CDH18: variants seen among roughly 807,000 people sequenced by gnomAD.
CDH18 encodes cadherin 18.
A neutral mutation model predicts 67.9 loss-of-function variants in CDH18; 31 were observed. That is an observed-to-expected ratio of 0.46 (90% CI 0.34 to 0.62). The LOEUF (loss-of-function observed/expected upper bound fraction) is 0.62. Ranked by LOEUF, CDH18 falls within the 20% of genes least tolerant of loss-of-function variation. The pLI is 0.01. For synonymous variants in CDH18, 362 were observed against 347.2 expected, an observed-to-expected ratio of 1.04 and a Z score of -0.48; for missense variants, 890 against 975.5, an observed-to-expected ratio of 0.91 and a Z score of 1.17.
At chr5:19,843,581 G>C (rs1782589218) in intron 2 of CDH18, among the ~76,000 whole-genome samples, 1 of 152,370 alleles carries the variant, frequency 6.6e-6, no homozygotes, top group East Asian at 1.9e-4. Flanking sequence ...CCCCGACATA[G>C]AGTTCCCACT....
At chr5:19,570,239 C>A (rs62349542) in intron 8 of CDH18, among the ~76,000 whole-genome samples, 11,236 of 152,056 alleles carry the variant, frequency 0.074, 454 homozygotes, top group African/African-American at 0.089. Flanking sequence ...AACATGTTAA[C>A]TTTGATTTCT....
At chr5:19,668,245 TGTGA>T (rs751902842) in intron 5 of CDH18, among the ~76,000 whole-genome samples, 1 of 152,080 alleles carries the variant, frequency 6.6e-6, no homozygotes, top group Non-Finnish European at 1.5e-5. Flanking sequence ...TCTGTGAGTC[TGTGA>T]GTGTTTGGTA....
chr5:20,203,824 A>G (rs959400119), intron 2 of CDH18, among the ~76,000 whole-genome samples: 1 of 152,080 alleles, frequency 6.6e-6, no homozygotes, highest in Non-Finnish European at 1.5e-5. Flanking sequence ...GTTCTGACCA[A>G]TAATTTAAAA....
chr5:19,608,010 GA>G, intron 6 of CDH18, among the ~76,000 whole-genome samples: 1 of 150,656 alleles, frequency 6.6e-6, no homozygotes, highest in East Asian at 1.9e-4. Context: ...CTGCATCTAA[GA>G]AAAATTAAAC....
intron 3 of CDH18, among the ~76,000 whole-genome samples, chr5:19,755,972 T>TTTGA (rs1337138002): frequency 4.6e-5 from 7 of 152,182 alleles, no homozygotes; most frequent in African/African-American, 7.2e-5. Flanking sequence ...GGGTCAATAC[T>TTTGA]TTGTATCCTT....
At position 20,162,093 on chromosome 5, in the gene CDH18, A is replaced by G. The variant is rs79088993; in HGVS notation, c.-518+93351T>C. Among the ~76,000 whole-genome samples, 100 of 152,258 alleles carry G rather than the reference A, an allele frequency of 6.6e-4. 1 individual carries two copies. The East Asian group carries it at 0.017, about 26-fold the overall frequency. On this transcript the variant is annotated intron_variant, in intron 2 of 14. Coordinates refer to the CDH18 transcript ENST00000507958. ...CTTAACTGTACTTAGAAGTTCCACT[A>G]TAAGATTTCACACTCTGAGACAGTC...
intron 4 of CDH18, among the ~76,000 whole-genome samples, chr5:19,739,164 G>A (rs1768765045): frequency 1.3e-5 from 2 of 152,264 alleles, no homozygotes; most frequent in African/African-American, 4.8e-5. Flanking sequence ...CGTAATTGTA[G>A]GTGGAAAAGG....
intron 2 of CDH18, among the ~76,000 whole-genome samples, chr5:19,887,729 GTT>G (rs777312301): frequency 1.4e-5 from 2 of 138,142 alleles, no homozygotes; most frequent in Admixed American, 7.3e-5. Context: ...ACCACCATGT[GTT>G]TTTTTTTTTT....
intron 1 of CDH18, among the ~76,000 whole-genome samples, chr5:20,354,996 T>A (rs550723371): frequency 2.0e-5 from 3 of 152,280 alleles, no homozygotes; most frequent in African/African-American, 7.2e-5. Context: ...CCGGGAAATG[T>A]TCTTCCAAAG....
chr5:20,003,079 C>T (rs1367767878), intron 2 of CDH18, among the ~76,000 whole-genome samples: 1 of 151,950 alleles, frequency 6.6e-6, no homozygotes, highest in East Asian at 1.9e-4. Context: ...ATCAGTGTTG[C>T]CTTTACCAAT....
chr5:20,497,981 TC>T (rs1239378888), intron 1 of CDH18, among the ~76,000 whole-genome samples: 1 of 151,868 alleles, frequency 6.6e-6, no homozygotes, highest in African/African-American at 2.4e-5. Context: ...TCTTGCCCTT[TC>T]CCCCTGTGAC....
At chr5:20,199,791 G>A (rs989617330) in intron 2 of CDH18, among the ~76,000 whole-genome samples, 5 of 152,094 alleles carry the variant, frequency 3.3e-5, no homozygotes, top group African/African-American at 1.2e-4. Context: ...CATGGGGGTG[G>A]TTTCTCCCAT....
chr5:19,507,541 G>C (rs1254807475), intron 10 of CDH18, among the ~76,000 whole-genome samples: 2 of 152,166 alleles, frequency 1.3e-5, no homozygotes, highest in African/African-American at 2.4e-5. Context: ...TTAAGAAAAT[G>C]TGGCATGTAT....
chr5:19,685,828 G>A (rs1205070880), intron 5 of CDH18, among the ~76,000 whole-genome samples: 1 of 152,026 alleles, frequency 6.6e-6, no homozygotes, highest in African/African-American at 2.4e-5. Flanking sequence ...CTGACAAATC[G>A]ACCAATGGAA....
intron 11 of CDH18, among the ~76,000 whole-genome samples, chr5:19,498,280 A>G (rs1742676819): frequency 6.6e-6 from 1 of 152,144 alleles, no homozygotes; most frequent in East Asian, 1.9e-4. Context: ...TGCAGAAGAG[A>G]CAGTCTGGAA....
chr5:19,537,403 A>G (rs184389479), intron 9 of CDH18, among the ~76,000 whole-genome samples: 1 of 151,668 alleles, frequency 6.6e-6, no homozygotes, highest in East Asian at 1.9e-4. Flanking sequence ...CTATTTATCA[A>G]TCTATTTCCA....
At chr5:20,354,133 C>G (rs370053127) in intron 1 of CDH18, among the ~76,000 whole-genome samples, 1 of 152,106 alleles carries the variant, frequency 6.6e-6, no homozygotes, top group Non-Finnish European at 1.5e-5. Flanking sequence ...ATAGTTTTAA[C>G]TTCTCACTGA....
chr5:19,539,312 G>C (rs1749881097), intron 9 of CDH18, among the ~76,000 whole-genome samples: 1 of 151,978 alleles, frequency 6.6e-6, no homozygotes, highest in Non-Finnish European at 1.5e-5. Context: ...CCCATATAAA[G>C]TACTGCACAT....
chr5:19,573,761 A>G (rs903801444), intron 7 of CDH18, among the ~76,000 whole-genome samples: 1 of 152,220 alleles, frequency 6.6e-6, no homozygotes, highest in Non-Finnish European at 1.5e-5. Flanking sequence ...TGGGTGGACA[A>G]AAATGGTCCC....
Sources: allele counts gnomAD v4.1 joint callset (sites outside exome capture counted in the v4.1 genomes callset), GRCh38; gene constraint gnomAD v4.1.1; transcripts MANE v1.5; gene names NCBI Gene and HGNC (gene_info 2026-07-23, HGNC 2026-07-21).